Variants in ELP2 observed in about 807,000 individuals in gnomAD.
The protein encoded by ELP2 is elongator complex protein 2.
In ELP2, 90 loss-of-function variants were observed where a neutral mutation model predicts 119.2. The observed-to-expected ratio is 0.75, with a 90% CI of 0.64 to 0.90. The LOEUF is 0.90. ELP2 is among the 40% of genes least tolerant of loss of function. ELP2 has a pLI of 0.00. For synonymous variants in ELP2, 339 were observed against 331.0 expected (o/e 1.02, Z -0.26); for missense variants, 921 against 967.8 (o/e 0.95, Z 0.64).
At chr18:36,133,499 T>G (rs2089709409) in intron 2 of ELP2, among the ~76,000 whole-genome samples, 183 bp downstream of exon 2, 1 of 152,186 alleles carries the variant, frequency 6.6e-6, no homozygotes, top group Non-Finnish European at 1.5e-5. Flanking sequence ...TCGTAGCAGT[T>G]GAAGCTTGGA....
chr18:36,172,839 T>C (rs1307799361), intron 21 of ELP2, among the ~76,000 whole-genome samples: 1 of 152,238 alleles, frequency 6.6e-6, no homozygotes, highest in Non-Finnish European at 1.5e-5. Context: ...TTTTTTTCTT[T>C]GGTCATTATG....
Position 36,166,327 on chromosome 18 carries a change from T to TTG in ELP2, c.1955-773_1955-772insGT, listed in dbSNP as rs1384024414. ...GGTTTTTGTTTTTTAGGGTTTTTTT[T>TTG]TTTTTTTTTTTTTTTTTTTTCAGAC... On this transcript the variant is annotated intron_variant, in intron 18 of 21. Coordinates refer to ENST00000358232, the MANE Select transcript of ELP2 (RefSeq NM_018255.4). Among the ~76,000 whole-genome samples the TTG allele has an allele frequency of 1.4e-3, 101 of 69,724 alleles. 14 individuals are homozygous for TTG. The highest frequency in any genetic ancestry group is 3.4e-3 in the Admixed American group (21 of 6,248). The allele number at this position is 69,724 out of a possible 152,430, so 45.7% of individuals were successfully genotyped here.
chr18:36,137,962 A>G (rs2089890041), intron 3 of ELP2: 2 of 332,916 alleles, frequency 6.0e-6, no homozygotes, highest in Non-Finnish European at 1.1e-5. Flanking sequence ...GTCAAAATGT[A>G]TATTCTGAAT....
At chr18:36,153,428 A>ACT (rs1353466002) in intron 11 of ELP2, among the ~76,000 whole-genome samples, 1 of 151,676 alleles carries the variant, frequency 6.6e-6, no homozygotes, top group African/African-American at 2.4e-5. Context: ...TGTAGGGAAA[A>ACT]CTCTCTCTCT....
At chr18:36,146,222 G>C (rs373928658) in intron 10 of ELP2, 28 bp from the exon 11 acceptor site, 2 of 1,613,900 alleles carry the variant, frequency 1.2e-6, no homozygotes, top group Non-Finnish European at 8.5e-7. Context: ...TATTGATTAA[G>C]AATTGTTTTC....
chr18:36,140,827 A>T lies in ELP2; in HGVS notation c.524-310A>T, dbSNP rs74400771. Among the ~76,000 whole-genome samples the T allele has an allele frequency of 4.7e-3, 714 of 152,340 alleles. 3 individuals carry two copies. Among genetic ancestry groups the T allele is most frequent in the African/African-American group, 0.016 (682 of 41,568 alleles). On this transcript the variant is annotated intron_variant, in intron 5 of 21. Coordinates refer to ENST00000358232, the MANE Select transcript of ELP2 (RefSeq NM_018255.4). ...TTTTCATCTTGGTCTTTGGGCTGACATGGTGAAAATGCTCTCTAGTTGCTC... is the reference window on the plus strand; with the variant it reads ...TTTTCATCTTGGTCTTTGGGCTGACTTGGTGAAAATGCTCTCTAGTTGCTC...
Position 36,142,350 on chromosome 18 carries a change from C to A in ELP2, c.655+3C>A, listed in dbSNP as rs2090060849. 2 of 1,613,402 alleles carry A rather than the reference C, an allele frequency of 1.2e-6. No individual in the cohort carries two copies. The highest frequency in any genetic ancestry group is 1.3e-5 in the African/African-American group (1 of 75,006). On this transcript the variant is annotated splice_donor_region_variant and intron_variant, in intron 7 of 21. Coordinates refer to ENST00000358232, the MANE Select transcript of ELP2 (RefSeq NM_018255.4). Reference sequence around the variant, plus strand: ...AGGAGTGGAATGGGCAGCCTTTGGTCAGTATGAAATTTTGCTAATGCACAT... The same window carrying A: ...AGGAGTGGAATGGGCAGCCTTTGGTAAGTATGAAATTTTGCTAATGCACAT...
At position 36,145,969 on chromosome 18, in the gene ELP2, TG is replaced by T; in HGVS notation, c.915del (p.Arg306AspfsTer11). The T allele has an allele frequency of 6.2e-7, 1 of 1,608,130 alleles. No individual in the cohort carries two copies. Among genetic ancestry groups the T allele is most frequent in the Non-Finnish European group, 8.5e-7 (1 of 1,174,490 alleles). ...TTAGATGGTGTCCTACAGCAGCCAG[TG>T]AGATTATTATCTGCTTCCATGGATA... ...FYKDGVLQQP[V>X]RLLSASMDKT... On this transcript the variant is annotated frameshift_variant, in exon 10 of 22. Coordinates refer to ENST00000358232, the MANE Select transcript of ELP2 (RefSeq NM_018255.4). LOFTEE classifies it high-confidence loss of function.
At chr18:36,133,816 G>T (rs2089722807) in intron 2 of ELP2, among the ~76,000 whole-genome samples, 2 of 150,056 alleles carry the variant, frequency 1.3e-5, no homozygotes, top group Non-Finnish European at 3.0e-5. Context: ...GCCCAAGCTG[G>T]AATGCAGCGG....
rs2043974621 is a variant in ELP2, at chr18:36,174,598, A to T, written c.2438A>T (p.Asp813Val). Residue 813 changes from aspartate to valine, a missense_variant, in exon 22 of 22, where the codon GAT becomes GTT. By Grantham distance (152) the Asp-to-Val change is radical. Coordinates refer to ENST00000358232, the MANE Select transcript of ELP2 (RefSeq NM_018255.4). ...TTACACTTTGCAAGCTGTGGTGAAG[A>T]TCACACTGTGAAGATACACAGAGTC... is the stretch of plus-strand genomic sequence containing the variant. ...EWLHFASCGE[D>V]HTVKIHRVNK... The T allele has an allele frequency of 1.2e-6, 2 of 1,614,206 alleles. No individual in the cohort carries two copies. The highest frequency in any genetic ancestry group is 1.3e-5 in the African/African-American group (1 of 75,068).
chr18:36,152,727 C>G (rs373320255), intron 11 of ELP2, among the ~76,000 whole-genome samples: 18 of 152,176 alleles, frequency 1.2e-4, no homozygotes, highest in East Asian at 5.8e-4. Context: ...ATATCCCCAC[C>G]CACGATTGTT....
chr18:36,139,310 C>A, intron 5 of ELP2: 1 of 1,103,066 alleles, frequency 9.1e-7, no homozygotes, highest in Non-Finnish European at 1.3e-6. Context: ...TTAAAATCTG[C>A]AAACAGAAAA....
chr18:36,141,113 G>A, intron 5 of ELP2, 24 bp from the exon 6 acceptor site: 1 of 1,602,430 alleles, frequency 6.2e-7, no homozygotes, highest in Non-Finnish European at 8.6e-7. Flanking sequence ...AACTCACAGT[G>A]AAGCCTGTTT....
intron 18 of ELP2, 59 bp downstream of exon 18, chr18:36,164,726 C>A: frequency 6.7e-7 from 1 of 1,498,680 alleles, no homozygotes; most frequent in Non-Finnish European, 9.3e-7. Flanking sequence ...ATTTTATCTA[C>A]ATTAAGCAGC....
At chr18:36,166,415 C>A (rs570883284) in intron 18 of ELP2, among the ~76,000 whole-genome samples, 1 of 146,514 alleles carries the variant, frequency 6.8e-6, no homozygotes, top group Admixed American at 6.9e-5. Flanking sequence ...ACTGCAGCCT[C>A]CGCCTCCTGG....
chr18:36,138,736 T>C (rs1021950135), intron 4 of ELP2, 59 bp from the exon 5 acceptor site: 1 of 1,334,126 alleles, frequency 7.5e-7, no homozygotes, highest in South Asian at 1.2e-5. Context: ...ATCCAACCTG[T>C]CTAGTTGGAT....
chr18:36,166,749 A>T (rs1360073604), intron 18 of ELP2: 1 of 162,188 alleles, frequency 6.2e-6, no homozygotes, highest in Non-Finnish European at 1.3e-5. Flanking sequence ...GTGGTGCATT[A>T]ATCTTTTTTC....
chr18:36,156,700 T>C, intron 13 of ELP2, 46 bp downstream of exon 13: 3 of 1,562,536 alleles, frequency 1.9e-6, no homozygotes, highest in Non-Finnish European at 2.6e-6. Context: ...TCACTTCATT[T>C]TAAATTTAAA....
chr18:36,144,863 C>A, intron 8 of ELP2, 76 bp from the exon 9 acceptor site: 1 of 1,230,180 alleles, frequency 8.1e-7, no homozygotes, highest in Non-Finnish European at 1.2e-6. Context: ...ACATAATTGC[C>A]CAACTGTCTT....
Sources: gnomAD v4.1 joint callset for allele counts (sites outside exome capture counted in the v4.1 genomes callset) on GRCh38, gnomAD v4.1.1 for gene constraint, MANE v1.5 for transcripts, NCBI Gene and HGNC (gene_info 2026-07-23, HGNC 2026-07-21) for gene names.